The following PRKDC variants were observed in gnomAD, a reference collection of about 807,000 sequenced individuals.
PRKDC encodes DNA-dependent protein kinase catalytic subunit.
Under a neutral mutation model 486.9 loss-of-function variants are expected in PRKDC, and 82 were observed. The ratio of observed to expected loss-of-function variants is 0.17; its 90% CI spans 0.14 to 0.20. PRKDC has a LOEUF of 0.20. Ranked by LOEUF, PRKDC falls within the 10% of genes least tolerant of loss-of-function variation. The pLI is 1.00. For synonymous variants in PRKDC, 1,895 were observed against 1,837.0 expected, an observed-to-expected ratio of 1.03 and a Z score of -0.81; for missense variants, 4,504 against 5,038.2, an observed-to-expected ratio of 0.89 and a Z score of 3.21.
At chr8:47,844,078 C>T (rs1215220723) in intron 54 of PRKDC, among the ~76,000 whole-genome samples, 2 of 152,166 alleles carry the variant, frequency 1.3e-5, no homozygotes, top group African/African-American at 4.8e-5. Flanking sequence ...TCTAAAGGCC[C>T]CTCTTAAAAG....
At chr8:47,890,569 G>A in intron 31 of PRKDC, 89 bp from the exon 32 acceptor site, 12 of 983,916 alleles carry the variant, frequency 1.2e-5, no homozygotes, top group African/African-American at 3.3e-5. Context: ...GTATAGGCAT[G>A]GTATACGTTC....
intron 27 of PRKDC, among the ~76,000 whole-genome samples, 160 bp from the exon 28 acceptor site, chr8:47,900,627 C>T (rs932040222): frequency 3.3e-5 from 5 of 151,792 alleles, no homozygotes; most frequent in Admixed American, 2.0e-4. Context: ...TTTGGGAGGC[C>T]GAGGCAGGTG....
chr8:47,800,625 A>T lies in PRKDC; in HGVS notation c.10116+168T>A, dbSNP rs2087086580. Among the ~76,000 whole-genome samples the T allele has an allele frequency of 2.0e-5, 3 of 152,342 alleles. No homozygotes were observed. In the South Asian group the frequency reaches 6.2e-4, roughly 32 times the overall value. On this transcript the variant is annotated intron_variant, in intron 71 of 85. Coordinates refer to ENST00000314191, the MANE Select transcript of PRKDC (RefSeq NM_006904.7). ...AAGTATAATAATAATTTAGAAAATA[A>T]ATAAATAAAAACAAATACATAAATA...
chr8:47,870,480 T>C (rs2088926230), intron 40 of PRKDC, among the ~76,000 whole-genome samples: 1 of 152,198 alleles, frequency 6.6e-6, no homozygotes, highest in South Asian at 2.1e-4. Flanking sequence ...ACAGTGCTAC[T>C]GGGTTTGGGG....
intron 66 of PRKDC, 134 bp from the exon 67 acceptor site, chr8:47,819,644 G>A: frequency 2.2e-6 from 1 of 445,778 alleles, no homozygotes; most frequent in Non-Finnish European, 3.9e-6. Flanking sequence ...GCCTCAGAAT[G>A]GTTAATAATT....
At chr8:47,881,842 C>T in intron 37 of PRKDC, 70 bp downstream of exon 37, 1 of 1,342,064 alleles carries the variant, frequency 7.5e-7, no homozygotes, top group South Asian at 1.8e-5. Context: ...CAACCTCCAT[C>T]AAATTTTAAA....
At chr8:47,913,141 A>G (rs763394661) in intron 24 of PRKDC, among the ~76,000 whole-genome samples, 2 of 152,222 alleles carry the variant, frequency 1.3e-5, no homozygotes, top group Non-Finnish European at 2.9e-5. Context: ...TAGTGTAAAC[A>G]TAACTTTTAC....
chr8:47,821,754 T>A lies in PRKDC; in HGVS notation c.8961A>T (p.Thr2987=). The A allele has an allele frequency of 6.3e-7, 1 of 1,594,092 alleles. No homozygotes were observed. Among genetic ancestry groups the A allele is most frequent in the South Asian group, 1.2e-5 (1 of 86,546 alleles). The change falls in exon 65 of 86, where the codon ACA becomes ACT. Residue 2987 remains threonine (T), a synonymous_variant. Transcript: ENST00000314191. ...NKQDWVDGEP[T]EAEKDFWELA... is the part of the protein sequence containing the mutation. ...GTTCCCAAAAATCCTTCTCGGCTTC[T>A]GTGGGCTCACCATCTACCCAGTCTT...
At chr8:47,899,080 A>C (rs919368069) in intron 28 of PRKDC, among the ~76,000 whole-genome samples, 4 of 152,234 alleles carry the variant, frequency 2.6e-5, no homozygotes, top group Non-Finnish European at 5.9e-5. Flanking sequence ...TAAGATGGTG[A>C]AGTCACTCAC....
chr8:47,862,092 C>A lies in PRKDC; in HGVS notation c.5955G>T (p.Lys1985Asn), dbSNP rs767520265. 3 of 1,552,962 alleles carry A rather than the reference C, an allele frequency of 1.9e-6. No individual in the cohort carries two copies. In the East Asian group the frequency reaches 7.2e-5, roughly 37 times the overall value. Residue 1985 changes from lysine (K) to asparagine (N), a missense_variant, in exon 44 of 86, where the codon AAG becomes AAT. Around this residue, in one of 6 missense-constraint regions of PRKDC, gnomAD observed 1,592 missense variants for 1,724.6 expected, o/e 0.92. Transcript: ENST00000314191. ...LLIFENLIDL[K>N]RRYNFPVEVE... ...CTTCTACAGGAAAATTATAGCGGCG[C>A]TTCAGGTCGATCAGATTTTCAAAAA...
At chr8:47,904,679 G>T (rs928360038) in intron 26 of PRKDC, among the ~76,000 whole-genome samples, 190 bp downstream of exon 26, 2 of 152,208 alleles carry the variant, frequency 1.3e-5, no homozygotes, top group Admixed American at 1.3e-4. Flanking sequence ...TGTAGTCCCA[G>T]CTATTCAGGA....
chr8:47,784,779 C>T (rs1036742054), intron 77 of PRKDC, among the ~76,000 whole-genome samples: 8 of 151,716 alleles, frequency 5.3e-5, no homozygotes, highest in African/African-American at 1.7e-4. Flanking sequence ...GCCTCTATAC[C>T]TGTATATTTC....
At chr8:47,905,165 A>ACAGGCATGTACCACCATC (rs1302799058) in intron 25 of PRKDC, among the ~76,000 whole-genome samples, 189 bp from the exon 26 acceptor site, 2 of 152,152 alleles carry the variant, frequency 1.3e-5, no homozygotes, top group Non-Finnish European at 2.9e-5. Flanking sequence ...TAGCTGGACT[A>ACAGGCATGTACCACCATC]CAGGCATGTA....
At chr8:47,859,093 T>G (rs961225420) in intron 46 of PRKDC, 107 bp from the exon 47 acceptor site, 2 of 1,174,196 alleles carry the variant, frequency 1.7e-6, no homozygotes, top group Admixed American at 4.1e-5. Flanking sequence ...AACAAACACT[T>G]AGGTAATAAT....
At chr8:47,930,361 C>G (rs945004778) in intron 17 of PRKDC, among the ~76,000 whole-genome samples, 1 of 152,224 alleles carries the variant, frequency 6.6e-6, no homozygotes, top group Non-Finnish European at 1.5e-5. Flanking sequence ...CAAGCTCCAC[C>G]TCCCGGGTTC....
intron 7 of PRKDC, among the ~76,000 whole-genome samples, chr8:47,945,754 C>T (rs891656239): frequency 6.6e-6 from 1 of 152,166 alleles, no homozygotes; most frequent in Non-Finnish European, 1.5e-5. Flanking sequence ...CCGAGTTTCA[C>T]TCTATCACCC....
At position 47,885,993 on chromosome 8, in the gene PRKDC, T is replaced by C. The variant is rs2089319832; in HGVS notation, c.4727A>G (p.Asp1576Gly). 2 of 1,613,822 alleles carry C rather than the reference T, an allele frequency of 1.2e-6. No homozygotes were observed. The highest frequency in any genetic ancestry group is 2.7e-5 in the African/African-American group (2 of 74,936). The change falls in exon 36 of 86, where the codon GAT becomes GGT. Residue 1576 changes from aspartate (D) to glycine (G), a missense_variant. Asp to Gly is a moderately conservative substitution (Grantham distance 94, BLOSUM62 -1). This residue lies in a region of PRKDC where 1,969 missense variants were observed against 2,068.9 expected (regional missense o/e 0.95). Transcript: ENST00000314191. The stretch of plus-strand genomic sequence containing the variant: ...CTGCATGAGCTCCAATACAGCAAGA[T>C]CCAGATTTTTCAATAATTCCGTGTT... The part of the protein sequence containing the change: ...TINTELLKNL[D>G]LAVLELMQSS...
intron 84 of PRKDC, among the ~76,000 whole-genome samples, chr8:47,777,212 ATTTT>A (rs536284158): frequency 6.8e-6 from 1 of 146,718 alleles, no homozygotes; most frequent in Non-Finnish European, 1.5e-5. Flanking sequence ...TTGCCTGTTA[ATTTT>A]TTTTTTTTTG....
In PRKDC at chr8:47,920,584, C is replaced by T. The variant is rs117525814; in HGVS notation, c.2420-2201G>A. Among the ~76,000 whole-genome samples, 113 of 152,176 alleles carry T rather than the reference C, an allele frequency of 7.4e-4. No individual in the cohort carries two copies. The East Asian group carries it at 0.021, about 29-fold the overall frequency. ...TTTAAATGTGCTAGATTTTAAAAATCGTACAGAAAACAATTTGGGATCATT... is the reference window on the plus strand; with the variant it reads ...TTTAAATGTGCTAGATTTTAAAAATTGTACAGAAAACAATTTGGGATCATT... On this transcript the variant is annotated intron_variant, in intron 21 of 85. Transcript: ENST00000314191.
Sources: gnomAD v4.1 joint callset for allele counts (sites outside exome capture counted in the v4.1 genomes callset) on GRCh38, gnomAD v4.1.1 for gene constraint, gnomAD v4.1.1 regional missense constraint, MANE v1.5 for transcripts, NCBI Gene and HGNC (gene_info 2026-07-23, HGNC 2026-07-21) for gene names.